The following PABPC4L variants were observed in gnomAD, a reference collection of about 807,000 sequenced individuals.
PABPC4L encodes the protein polyadenylate-binding protein 4-like.
For synonymous variants in PABPC4L, 169 were observed against 164.1 expected (o/e 1.03, Z -0.23); for missense variants, 452 against 451.4 (o/e 1.00, Z -0.01).
the PABPC4L span, among the ~76,000 whole-genome samples, chr4:133,968,566 G>C: frequency 6.6e-6 from 1 of 152,050 alleles, no homozygotes; most frequent in Non-Finnish European, 1.5e-5. Flanking sequence ...ATCTTTGAAG[G>C]GGCTTAAAGT....
At position 134,198,395 on chromosome 4, in the gene PABPC4L, C is replaced by T. The variant is rs1250627504; in HGVS notation, c.*1512G>A. ...AAAGATTTTCATTTTAGAAAATGTG[C>T]AAAGAATATACATATAATTTCTATA... is the stretch of plus-strand genomic sequence containing the variant. On this transcript the variant is annotated 3_prime_UTR_variant, in exon 2 of 2. Transcript: ENST00000421491. 6.6e-6 allele frequency: 1 copy of T among 151,098 alleles called. No homozygotes were observed. Among genetic ancestry groups the T allele is most frequent in the Admixed American group, 6.6e-5 (1 of 15,192 alleles). 9.4% of individuals were successfully genotyped at this position (151,098 alleles called of 1,614,324 possible).
the PABPC4L span, among the ~76,000 whole-genome samples, chr4:133,956,038 G>A: frequency 2.0e-5 from 3 of 151,782 alleles, no homozygotes; most frequent in African/African-American, 4.8e-5. Flanking sequence ...TTGAAGTCCT[G>A]TTGAATCAAA....
chr4:134,121,243 C>T, the PABPC4L span, among the ~76,000 whole-genome samples: 1 of 151,162 alleles, frequency 6.6e-6, no homozygotes, highest in Non-Finnish European at 1.5e-5. Context: ...TTTTGTAACT[C>T]TGATAACTAA....
the PABPC4L span, among the ~76,000 whole-genome samples, chr4:134,018,504 C>G: frequency 1.3e-5 from 2 of 152,154 alleles, no homozygotes; most frequent in Non-Finnish European, 2.9e-5. Context: ...AATGCTCACC[C>G]TCTTACCTCC....
chr4:134,154,135 T>G, the PABPC4L span, among the ~76,000 whole-genome samples: 34 of 152,214 alleles, frequency 2.2e-4, 1 homozygote, highest in Middle Eastern at 0.01. Flanking sequence ...ATAGGAAACA[T>G]TGACTCCATA....
chr4:134,145,941 C>T, the PABPC4L span, among the ~76,000 whole-genome samples: 1 of 151,940 alleles, frequency 6.6e-6, no homozygotes, highest in Non-Finnish European at 1.5e-5. Context: ...CCTAAATGCT[C>T]ACCTCACAAT....
the PABPC4L span, among the ~76,000 whole-genome samples, chr4:134,016,198 T>C: frequency 2.0e-5 from 3 of 152,190 alleles, no homozygotes; most frequent in Admixed American, 1.3e-4. Context: ...GCTACTGCTC[T>C]GTCCCCCTCC....
chr4:134,061,703 G>T, the PABPC4L span, among the ~76,000 whole-genome samples: 130 of 151,546 alleles, frequency 8.6e-4, no homozygotes, highest in African/African-American at 3.1e-3. Flanking sequence ...CTTCAAAAGA[G>T]GAGGGGATTC....
chr4:134,121,963 T>C, the PABPC4L span, among the ~76,000 whole-genome samples: 17 of 152,000 alleles, frequency 1.1e-4, no homozygotes, highest in East Asian at 3.3e-3. Context: ...TTGTTGAATC[T>C]TGGCTTCCAT....
chr4:134,095,419 C>T, the PABPC4L span, among the ~76,000 whole-genome samples: 2 of 151,874 alleles, frequency 1.3e-5, no homozygotes, highest in African/African-American at 4.8e-5. Flanking sequence ...TGTATGTATG[C>T]ATTTATTTCT....
At chr4:134,020,745 A>G in the PABPC4L span, among the ~76,000 whole-genome samples, 210 of 152,234 alleles carry the variant, frequency 1.4e-3, no homozygotes, top group African/African-American at 4.7e-3. Flanking sequence ...AGATCATCCC[A>G]GGGAGATACT....
chr4:133,954,580 T>G, the PABPC4L span, among the ~76,000 whole-genome samples: 2 of 152,032 alleles, frequency 1.3e-5, no homozygotes, highest in Admixed American at 1.3e-4. Flanking sequence ...ACTATACAGG[T>G]GAATATCAAA....
chr4:134,036,360 T>C, the PABPC4L span, among the ~76,000 whole-genome samples: 2 of 152,242 alleles, frequency 1.3e-5, no homozygotes, highest in African/African-American at 2.4e-5. Flanking sequence ...CAATAATTCC[T>C]ATAGACTGAG....
the PABPC4L span, among the ~76,000 whole-genome samples, chr4:134,001,720 T>C: frequency 1.3e-5 from 2 of 152,140 alleles, no homozygotes; most frequent in South Asian, 4.1e-4. Context: ...AAAATACACA[T>C]ACATACTATA....
the PABPC4L span, among the ~76,000 whole-genome samples, chr4:134,013,866 C>A: frequency 6.6e-6 from 1 of 151,988 alleles, no homozygotes; most frequent in East Asian, 1.9e-4. Context: ...CCTCAGGCTC[C>A]ACTCCTCCAC....
In PABPC4L at chr4:134,200,682, G is replaced by A; in HGVS notation, c.338C>T (p.Thr113Ile). 7.1e-6 allele frequency: 11 copies of A among 1,551,624 alleles called. No homozygotes were observed. The highest frequency in any genetic ancestry group is 9.6e-6 in the Non-Finnish European group (11 of 1,146,974). Residue 113 changes from threonine to isoleucine, a missense_variant, in exon 2 of 2, where the codon ACC (threonine) becomes ATC (isoleucine). Transcript: ENST00000421491. ...KNLDKSIDNK[T>I]LYEHFSAFGK... ...AAAAGCTGAAAAATGTTCATAAAGGGTTTTGTTATCGATAGATTTGTCCAG... is the reference window on the plus strand; with the variant it reads ...AAAAGCTGAAAAATGTTCATAAAGGATTTTGTTATCGATAGATTTGTCCAG...
rs1729685886 is a variant in PABPC4L at position 134,197,179 on chromosome 4, G to A, written c.*2728C>T. On this transcript the variant is annotated 3_prime_UTR_variant, in exon 2 of 2. Transcript: ENST00000421491. ...ACATGTTTTGGTAAATACTTACCTA[G>A]TATAAGAATCTATGTGAAACTCATA... 6.6e-6 allele frequency: 1 copy of A among 151,672 alleles called. No individual in the cohort carries two copies. Among genetic ancestry groups the A allele is most frequent in the Non-Finnish European group, 1.5e-5 (1 of 67,656 alleles). The allele number at this position is 151,672 out of a possible 1,614,324, so 9.4% of individuals were successfully genotyped here.
the PABPC4L span, among the ~76,000 whole-genome samples, chr4:134,116,144 C>A: frequency 1.9e-4 from 29 of 151,742 alleles, no homozygotes; most frequent in African/African-American, 7.0e-4. Context: ...TCAGGGACTG[C>A]AAAGTAGAAG....
chr4:134,147,911 G>T, the PABPC4L span, among the ~76,000 whole-genome samples: 1 of 152,074 alleles, frequency 6.6e-6, no homozygotes, highest in South Asian at 2.1e-4. Flanking sequence ...GGCTATCACA[G>T]TGGATACCTG....
Sources: gnomAD v4.1 joint callset for allele counts (sites outside exome capture counted in the v4.1 genomes callset) on GRCh38, gnomAD v4.1.1 for gene constraint, MANE v1.5 for transcripts, NCBI Gene and HGNC (gene_info 2026-07-23, HGNC 2026-07-21) for gene names.